The following AFF3 variants were observed in gnomAD, a reference collection of about 807,000 sequenced individuals.
The protein encoded by AFF3 is AF4/FMR2 family member 3.
In AFF3, 32 loss-of-function variants were observed where a neutral mutation model predicts 129.7. That is an observed-to-expected ratio of 0.25 (90% CI 0.19 to 0.33). The LOEUF is 0.33. Among genes scored for constraint, AFF3 ranks in the 10% least tolerant of loss-of-function variants. AFF3 has a pLI of 1.00. For missense variants in AFF3, 1,373 were observed against 1,592.0 expected (o/e 0.86, Z 2.34); for synonymous variants, 644 against 635.4 (o/e 1.01, Z -0.20).
chr2:99,841,119 G>T (rs1375373721), intron 7 of AFF3, among the ~76,000 whole-genome samples: 3 of 152,096 alleles, frequency 2.0e-5, no homozygotes, highest in Admixed American at 2.0e-4. Context: ...TAAACTTCGG[G>T]TTTAATTCCT....
At chr2:100,135,828 A>G (rs1211809486) in intron 1 of AFF3, among the ~76,000 whole-genome samples, 4 of 152,224 alleles carry the variant, frequency 2.6e-5, no homozygotes, top group African/African-American at 9.6e-5. Context: ...GAGTGTGGAA[A>G]GAAGATTACT....
At chr2:100,069,162 G>A (rs1221906477) in intron 4 of AFF3, among the ~76,000 whole-genome samples, 1 of 152,030 alleles carries the variant, frequency 6.6e-6, no homozygotes, top group Non-Finnish European at 1.5e-5. Context: ...CCCTTTGCAG[G>A]AACATGGATG....
chr2:99,661,852 A>G (rs991064395), intron 12 of AFF3, among the ~76,000 whole-genome samples: 1 of 152,214 alleles, frequency 6.6e-6, no homozygotes, highest in Non-Finnish European at 1.5e-5. Context: ...ATAAAATACA[A>G]TTACTGGCCA....
intron 20 of AFF3, among the ~76,000 whole-genome samples, chr2:99,562,061 A>G (rs1017543142): frequency 2.0e-5 from 3 of 152,184 alleles, no homozygotes; most frequent in Non-Finnish European, 4.4e-5. Flanking sequence ...CCTGCAGATA[A>G]TTATCGTTTC....
At chr2:99,581,088 C>A (rs1234783094) in intron 17 of AFF3, among the ~76,000 whole-genome samples, 1 of 152,198 alleles carries the variant, frequency 6.6e-6, no homozygotes, top group Admixed American at 6.5e-5. Context: ...TTCATGGGGG[C>A]ACAAATGGGA....
intron 7 of AFF3, among the ~76,000 whole-genome samples, chr2:99,878,451 C>A (rs918557904): frequency 2.6e-5 from 4 of 152,082 alleles, no homozygotes; most frequent in Non-Finnish European, 4.4e-5. Context: ...TTTAAACACC[C>A]AGAGCCTTCC....
chr2:100,055,956 G>A (rs1454705662), intron 4 of AFF3, among the ~76,000 whole-genome samples: 2 of 151,780 alleles, frequency 1.3e-5, no homozygotes, highest in Non-Finnish European at 2.9e-5. Context: ...AGGACTGCTT[G>A]AGGCCAGGAG....
chr2:100,117,184 G>A (rs1338051952), intron 2 of AFF3, among the ~76,000 whole-genome samples: 1 of 152,018 alleles, frequency 6.6e-6, no homozygotes, highest in Admixed American at 6.6e-5. Context: ...ATCAGTTTGG[G>A]AAGTTCTTAG....
At position 99,740,808 on chromosome 2, in the gene AFF3, CTTTAG is replaced by C. The variant is rs776281133; in HGVS notation, c.1039+3291_1039+3295del. ...TAGTTTCTTTTGCTGTGCAGAAGCTCTTTAGTTTAATTAGATGCCATTTGTCAATT... is the reference window on the plus strand; with the variant it reads ...TAGTTTCTTTTGCTGTGCAGAAGCTCTTTAATTAGATGCCATTTGTCAATT... On this transcript the variant is annotated intron_variant, in intron 10 of 24. Coordinates refer to ENST00000672756, the MANE Select transcript of AFF3 (RefSeq NM_001386135.1). Among the ~76,000 whole-genome samples, 29 of 152,048 alleles carry C rather than the reference CTTTAG, an allele frequency of 1.9e-4. 1 individual carries two copies. The highest frequency in any genetic ancestry group is 1.5e-3 in the South Asian group (7 of 4,800).
chr2:100,033,346 T>G (rs970820693), intron 4 of AFF3, among the ~76,000 whole-genome samples: 1 of 152,222 alleles, frequency 6.6e-6, no homozygotes, highest in Non-Finnish European at 1.5e-5. Flanking sequence ...TGAGATTAAC[T>G]GTGGATTTAT....
At chr2:99,633,909 CTTTTTTTTT>C (rs139661861) in intron 13 of AFF3, among the ~76,000 whole-genome samples, 1 of 116,422 alleles carries the variant, frequency 8.6e-6, no homozygotes, top group Non-Finnish European at 1.7e-5. Flanking sequence ...TTCTTCCTTC[CTTTTTTTTT>C]TTTTTTTTTT....
At chr2:99,661,657 CA>C (rs2104320976) in intron 12 of AFF3, among the ~76,000 whole-genome samples, 1 of 152,164 alleles carries the variant, frequency 6.6e-6, no homozygotes, top group African/African-American at 2.4e-5. Flanking sequence ...TCTCTGTGCT[CA>C]GTGATATTTA....
At chr2:99,675,375 C>CA (rs1687513596) in intron 11 of AFF3, among the ~76,000 whole-genome samples, 1 of 152,136 alleles carries the variant, frequency 6.6e-6, no homozygotes, top group Non-Finnish European at 1.5e-5. Context: ...AACATGAAAT[C>CA]ACAGACCTGG....
At chr2:100,104,695 C>T (rs1691090325) in intron 3 of AFF3, 177 bp from the exon 4 acceptor site, 3 of 972,574 alleles carry the variant, frequency 3.1e-6, no homozygotes, top group African/African-American at 1.9e-5. Flanking sequence ...CGCAGGCACA[C>T]TCAAGAGAGA....
At chr2:99,755,244 C>T (rs1284341070) in intron 8 of AFF3, among the ~76,000 whole-genome samples, 1 of 151,988 alleles carries the variant, frequency 6.6e-6, no homozygotes, top group African/African-American at 2.4e-5. Flanking sequence ...TGCCTCCTGC[C>T]CTCCCTACCT....
intron 7 of AFF3, among the ~76,000 whole-genome samples, chr2:99,965,746 G>C (rs140741993): frequency 1.3e-5 from 2 of 152,322 alleles, no homozygotes; most frequent in African/African-American, 4.8e-5. Flanking sequence ...CCTATGGGCT[G>C]TGAGAAATTC....
chr2:99,796,493 A>G (rs1685566230), intron 8 of AFF3, among the ~76,000 whole-genome samples: 1 of 152,220 alleles, frequency 6.6e-6, no homozygotes, highest in African/African-American at 2.4e-5. Context: ...TGAAAAACTG[A>G]TGAGGCAAGC....
At chr2:99,830,468 C>T (rs950286255) in intron 8 of AFF3, among the ~76,000 whole-genome samples, 7 of 152,132 alleles carry the variant, frequency 4.6e-5, no homozygotes, top group Admixed American at 6.5e-5. Flanking sequence ...AAGATAATCA[C>T]GGGCCAGGCC....
intron 7 of AFF3, among the ~76,000 whole-genome samples, chr2:100,002,304 T>C (rs1465382757): frequency 6.6e-6 from 1 of 152,118 alleles, no homozygotes; most frequent in African/African-American, 2.4e-5. Flanking sequence ...TAACCAAGAG[T>C]GACAGGAAAT....
Sources: allele counts gnomAD v4.1 joint callset (sites outside exome capture counted in the v4.1 genomes callset), GRCh38; gene constraint gnomAD v4.1.1; transcripts MANE v1.5; gene names NCBI Gene and HGNC (gene_info 2026-07-23, HGNC 2026-07-21).